The following FBXL17 variants were observed in gnomAD, a reference collection of about 807,000 sequenced individuals.
FBXL17 encodes F-box and leucine rich repeat protein 17, also known as F-box/LRR-repeat protein 17.
Under a neutral mutation model 66.2 loss-of-function variants are expected in FBXL17, and 22 were observed. The observed-to-expected ratio is 0.33, with a 90% confidence interval of 0.24 to 0.47. FBXL17 has a LOEUF of 0.47. FBXL17 is among the 20% of genes least tolerant of loss of function. FBXL17 has a pLI of 1.00. For synonymous variants in FBXL17, 474 were observed against 400.5 expected, an observed-to-expected ratio of 1.18 and a Z score of -2.19; for missense variants, 878 against 948.2, an observed-to-expected ratio of 0.93 and a Z score of 0.97.
At chr5:108,357,233 T>C (rs1748055912) in intron 3 of FBXL17, among the ~76,000 whole-genome samples, 2 of 151,958 alleles carry the variant, frequency 1.3e-5, no homozygotes, top group Non-Finnish European at 2.9e-5. Context: ...AGAAAAGTTA[T>C]CAGGGATAAA....
chr5:108,313,472 C>T lies in FBXL17; in HGVS notation c.1506+34927G>A, dbSNP rs1417809736. Among the ~76,000 whole-genome samples the T allele has an allele frequency of 2.0e-5, 3 of 152,204 alleles. 1 individual carries two copies. The highest frequency in any genetic ancestry group is 7.2e-5 in the African/African-American group (3 of 41,556). On this transcript the variant is annotated intron_variant, in intron 4 of 8. Transcript: ENST00000542267. Reference sequence around the variant, plus strand: ...TTGGTGAGGGAAGAATTAAAACAGACAGACCTAGTTCTGTCATTCATTTAC... The same window carrying T: ...TTGGTGAGGGAAGAATTAAAACAGATAGACCTAGTTCTGTCATTCATTTAC...
intron 6 of FBXL17, among the ~76,000 whole-genome samples, chr5:108,092,199 T>C (rs765231082): frequency 1.3e-5 from 2 of 152,194 alleles, no homozygotes; most frequent in Non-Finnish European, 2.9e-5. Flanking sequence ...AGTGGAGATC[T>C]GGACTTTTTC....
At chr5:108,021,981 A>G (rs6872913) in intron 6 of FBXL17, among the ~76,000 whole-genome samples, 22,772 of 151,820 alleles carry the variant, frequency 0.15, 1,758 homozygotes, top group East Asian at 0.17. Flanking sequence ...TGTCTTTCCT[A>G]TATTTTATTT....
rs112632004 is a variant in FBXL17, at chr5:108,045,438, T to A, written c.1746-24437A>T. ...GCCTGGGCGATAGAGCAAGACTCTG[T>A]CTCAAAATAATAATAATAATAATAA... On this transcript the variant is annotated intron_variant, in intron 6 of 8. Coordinates refer to ENST00000542267, the MANE Select transcript of FBXL17 (RefSeq NM_001163315.3). 5.5e-5 allele frequency among the ~76,000 whole-genome samples: 8 copies of A among 145,676 alleles called. 2 individuals carry two copies. The highest frequency in any genetic ancestry group is 1.9e-4 in the African/African-American group (8 of 41,214).
At chr5:108,067,253 A>C (rs184004985) in intron 6 of FBXL17, among the ~76,000 whole-genome samples, 1 of 152,294 alleles carries the variant, frequency 6.6e-6, no homozygotes, top group African/African-American at 2.4e-5. Flanking sequence ...CATGTAAAAC[A>C]GACTTAATAT....
chr5:108,138,868 T>G (rs1751245538), intron 6 of FBXL17, among the ~76,000 whole-genome samples: 2 of 152,164 alleles, frequency 1.3e-5, no homozygotes, highest in Admixed American at 1.3e-4. Context: ...TCAAGTTGCC[T>G]ATCTAAGAGG....
At chr5:108,303,015 A>T (rs1758662504) in intron 4 of FBXL17, among the ~76,000 whole-genome samples, 1 of 151,886 alleles carries the variant, frequency 6.6e-6, no homozygotes, top group Non-Finnish European at 1.5e-5. Context: ...GAAATTATAT[A>T]GTTTCACCAT....
intron 7 of FBXL17, among the ~76,000 whole-genome samples, chr5:107,991,415 G>A (rs59711822): frequency 0.14 from 20,634 of 152,158 alleles, 1,520 homozygotes; most frequent in East Asian, 0.2. Flanking sequence ...GGGAAGAGAT[G>A]GCCTGAGTGA....
chr5:108,128,499 T>C (rs1231161482), intron 6 of FBXL17, among the ~76,000 whole-genome samples: 1 of 152,064 alleles, frequency 6.6e-6, no homozygotes, highest in Non-Finnish European at 1.5e-5. Context: ...AGATGAAAAG[T>C]GAAAGGGTTA....
At chr5:107,959,095 C>A (rs371597918) in intron 7 of FBXL17, among the ~76,000 whole-genome samples, 5 of 152,056 alleles carry the variant, frequency 3.3e-5, no homozygotes, top group Non-Finnish European at 7.4e-5. Context: ...ACGCACCACA[C>A]GCCATGATAT....
chr5:107,886,041 T>C (rs540215846), intron 7 of FBXL17, among the ~76,000 whole-genome samples: 11 of 152,180 alleles, frequency 7.2e-5, no homozygotes, highest in African/African-American at 2.6e-4. Context: ...AATATAACTA[T>C]GCCAAAGGGG....
At chr5:107,901,896 G>A (rs1309099977) in intron 7 of FBXL17, among the ~76,000 whole-genome samples, 3 of 152,186 alleles carry the variant, frequency 2.0e-5, no homozygotes, top group Non-Finnish European at 2.9e-5. Flanking sequence ...ACCACATACA[G>A]TGCAGTCAGT....
chr5:108,308,978 A>G (rs1758986136), intron 4 of FBXL17, among the ~76,000 whole-genome samples: 3 of 152,106 alleles, frequency 2.0e-5, no homozygotes, highest in African/African-American at 7.2e-5. Flanking sequence ...TTTCACTTTC[A>G]GAATATGTTC....
At chr5:108,346,673 T>C (rs1271217217) in intron 4 of FBXL17, among the ~76,000 whole-genome samples, 1 of 152,128 alleles carries the variant, frequency 6.6e-6, no homozygotes, top group African/African-American at 2.4e-5. Flanking sequence ...AACTACTATG[T>C]TTTACATATC....
chr5:108,015,525 T>C (rs893320404), intron 7 of FBXL17, among the ~76,000 whole-genome samples: 3 of 152,176 alleles, frequency 2.0e-5, no homozygotes, highest in African/African-American at 7.2e-5. Flanking sequence ...TCATTTAAAA[T>C]GGGAGATCAT....
intron 4 of FBXL17, among the ~76,000 whole-genome samples, chr5:108,250,063 T>C (rs1756276520): frequency 6.6e-6 from 1 of 152,160 alleles, no homozygotes; most frequent in Non-Finnish European, 1.5e-5. Context: ...CAAAGGTTTT[T>C]AAGATGTTTA....
intron 7 of FBXL17, among the ~76,000 whole-genome samples, chr5:107,891,288 A>C (rs1398561573): frequency 6.6e-6 from 1 of 152,172 alleles, no homozygotes; most frequent in Non-Finnish European, 1.5e-5. Flanking sequence ...AATGGAAAAG[A>C]GGGTGGAAAG....
At chr5:108,180,074 C>G (rs927334124) in intron 6 of FBXL17, among the ~76,000 whole-genome samples, 2 of 152,136 alleles carry the variant, frequency 1.3e-5, no homozygotes, top group South Asian at 4.1e-4. Context: ...TTTATGTGAA[C>G]TATACCAATT....
chr5:107,936,745 T>C (rs756989103), intron 7 of FBXL17, among the ~76,000 whole-genome samples: 5 of 152,268 alleles, frequency 3.3e-5, no homozygotes, highest in Non-Finnish European at 7.4e-5. Context: ...CTGTTTCATA[T>C]TGACTTCTGA....
Sources: gnomAD v4.1 joint callset for allele counts (sites outside exome capture counted in the v4.1 genomes callset) on GRCh38, gnomAD v4.1.1 for gene constraint, MANE v1.5 for transcripts, NCBI Gene and HGNC (gene_info 2026-07-23, HGNC 2026-07-21) for gene names.